ASIC2: variants seen among roughly 807,000 people sequenced by gnomAD.
ASIC2 encodes the protein acid sensing ion channel subunit 2, also known as acid-sensing ion channel 2.
ASIC2 carries 25 observed loss-of-function variants against 57.3 expected under a neutral mutation model. The ratio of observed to expected loss-of-function variants is 0.44; its 90% CI spans 0.32 to 0.61. ASIC2 has a LOEUF of 0.61. Among genes scored for constraint, ASIC2 ranks in the 20% least tolerant of loss-of-function variants. ASIC2 has a pLI of 0.06. For missense variants in ASIC2, 641 were observed against 738.1 expected (o/e 0.87, Z 1.52); for synonymous variants, 319 against 307.5 (o/e 1.04, Z -0.39).
chr17:33,575,517 G>A (rs1310808077), intron 1 of ASIC2, among the ~76,000 whole-genome samples: 1 of 152,220 alleles, frequency 6.6e-6, no homozygotes, highest in African/African-American at 2.4e-5. Flanking sequence ...AAGGAGCTCT[G>A]TGACAAGCTT....
Position 33,292,628 on chromosome 17 carries a change from G to C in ASIC2, c.-513C>G. Reference sequence around the variant, plus strand: ...AGGGACCCCACCAGCCCGGCCCGTAGCCCAGCGGTGCTGGGACACGGGAGA... The same window carrying C: ...AGGGACCCCACCAGCCCGGCCCGTACCCCAGCGGTGCTGGGACACGGGAGA... On this transcript the variant is annotated 5_prime_UTR_variant, in exon 1 of 10. Transcript: ENST00000225823. The C allele has an allele frequency of 2.0e-6, 2 of 985,596 alleles. No individual in the cohort carries two copies. The highest frequency in any genetic ancestry group is 1.2e-6 in the Non-Finnish European group (1 of 830,082). The allele number at this position is 985,596 out of a possible 1,614,324, so 61.1% of individuals were successfully genotyped here. A position where few individuals can be genotyped will look rare whatever the true frequency, so the allele number is the denominator to read the frequency against.
At chr17:33,271,857 C>G (rs1460868871) in intron 1 of ASIC2, among the ~76,000 whole-genome samples, 1 of 152,258 alleles carries the variant, frequency 6.6e-6, no homozygotes, top group Non-Finnish European at 1.5e-5. Context: ...TGGCTTCTCA[C>G]TGCAGTGGGA....
At position 33,050,456 on chromosome 17, in the gene ASIC2, G is replaced by T. The variant is rs551989405; in HGVS notation, c.988-22064C>A. On this transcript the variant is annotated intron_variant, in intron 3 of 9. Transcript: ENST00000225823. ...TCAGTGTCTTTATTGCATGTATAGGGTCTGCCATATAGTCTGTGCTCAAAA... is the reference window on the plus strand; with the variant it reads ...TCAGTGTCTTTATTGCATGTATAGGTTCTGCCATATAGTCTGTGCTCAAAA... Among the ~76,000 whole-genome samples, 3 of 152,244 alleles carry T rather than the reference G, an allele frequency of 2.0e-5. No homozygotes were observed. In the South Asian group the frequency reaches 6.2e-4, roughly 32 times the overall value.
At chr17:33,352,067 C>G (rs551903333) in intron 1 of ASIC2, among the ~76,000 whole-genome samples, 1 of 152,236 alleles carries the variant, frequency 6.6e-6, no homozygotes, top group African/African-American at 2.4e-5. Context: ...GTGTCTTCAT[C>G]TCTTTGCTTC....
At chr17:34,066,357 C>G (rs1263546690) in intron 1 of ASIC2, among the ~76,000 whole-genome samples, 1 of 152,162 alleles carries the variant, frequency 6.6e-6, no homozygotes, top group Non-Finnish European at 1.5e-5. Flanking sequence ...CTGGGGAGTT[C>G]TTACAAAATG....
At chr17:33,633,726 C>G (rs1293307942) in intron 1 of ASIC2, among the ~76,000 whole-genome samples, 1 of 152,232 alleles carries the variant, frequency 6.6e-6, no homozygotes, top group Non-Finnish European at 1.5e-5. Context: ...ATGCCCCAAC[C>G]ATTTAATAGC....
At chr17:33,630,764 A>ACTGC (rs1390694872) in intron 1 of ASIC2, among the ~76,000 whole-genome samples, 1 of 152,192 alleles carries the variant, frequency 6.6e-6, no homozygotes, top group Non-Finnish European at 1.5e-5. Flanking sequence ...GTTCAGTCAC[A>ACTGC]CTGCCTGGTC....
chr17:33,103,804 C>T (rs1447731750), intron 2 of ASIC2, among the ~76,000 whole-genome samples: 3 of 152,204 alleles, frequency 2.0e-5, no homozygotes, highest in Admixed American at 1.3e-4. Flanking sequence ...CATAGCACCT[C>T]ACCCATGCCC....
intron 1 of ASIC2, among the ~76,000 whole-genome samples, chr17:34,107,715 A>G (rs1178616425): frequency 6.6e-6 from 1 of 152,152 alleles, no homozygotes; most frequent in East Asian, 1.9e-4. Context: ...GGTACTCAAA[A>G]TAGTTTGTTC....
intron 1 of ASIC2, among the ~76,000 whole-genome samples, chr17:33,174,418 CAAAAA>C (rs545016244): frequency 9.0e-5 from 11 of 122,066 alleles, no homozygotes; most frequent in Admixed American, 4.2e-4. Context: ...AAGACTCCAT[CAAAAA>C]AAAAAAAAAA....
intron 1 of ASIC2, among the ~76,000 whole-genome samples, chr17:33,479,242 G>A (rs911040805): frequency 1.2e-4 from 18 of 151,976 alleles, no homozygotes; most frequent in Non-Finnish European, 2.2e-4. Context: ...CAGGTGATCC[G>A]CCCACCTCAG....
At chr17:33,655,102 T>C (rs2142041218) in intron 1 of ASIC2, among the ~76,000 whole-genome samples, 1 of 152,288 alleles carries the variant, frequency 6.6e-6, no homozygotes, top group Non-Finnish European at 1.5e-5. Flanking sequence ...GTAGCCCTTT[T>C]AGAATAGTTT....
At chr17:34,130,595 C>T (rs550348510) in intron 1 of ASIC2, among the ~76,000 whole-genome samples, 4 of 152,356 alleles carry the variant, frequency 2.6e-5, no homozygotes, top group African/African-American at 9.6e-5. Context: ...TCAATGCCCA[C>T]ACCTTTCCTC....
chr17:34,141,384 A>G (rs1256578374), intron 1 of ASIC2, among the ~76,000 whole-genome samples: 1 of 152,218 alleles, frequency 6.6e-6, no homozygotes, highest in Non-Finnish European at 1.5e-5. Flanking sequence ...AATTGTTTCC[A>G]ATTCTTTTTT....
intron 1 of ASIC2, among the ~76,000 whole-genome samples, chr17:33,346,495 T>C (rs1001682777): frequency 2.6e-5 from 4 of 151,750 alleles, no homozygotes; most frequent in Non-Finnish European, 5.9e-5. Context: ...TATATGAAAA[T>C]GCGTGGGTAT....
intron 1 of ASIC2, among the ~76,000 whole-genome samples, chr17:33,951,895 C>G (rs576622058): frequency 6.6e-6 from 1 of 152,082 alleles, no homozygotes; most frequent in South Asian, 2.1e-4. Context: ...TGCCTGGTCT[C>G]TTCCTCCTTT....
intron 1 of ASIC2, among the ~76,000 whole-genome samples, chr17:33,192,184 C>T (rs1470129940): frequency 3.3e-5 from 5 of 152,088 alleles, no homozygotes; most frequent in African/African-American, 1.2e-4. Flanking sequence ...AGCTCAAGAC[C>T]AGCCTGGTCA....
At chr17:33,372,420 G>C (rs938595987) in intron 1 of ASIC2, among the ~76,000 whole-genome samples, 2 of 152,118 alleles carry the variant, frequency 1.3e-5, no homozygotes, top group African/African-American at 4.8e-5. Context: ...TACCCCCTGG[G>C]GCCCGGGGGA....
At chr17:33,451,507 G>T (rs56304600) in intron 1 of ASIC2, among the ~76,000 whole-genome samples, 10,746 of 152,142 alleles carry the variant, frequency 0.071, 475 homozygotes, top group Non-Finnish European at 0.1. Flanking sequence ...TTACAAACCT[G>T]TTGCTTTTGC....
Sources: allele counts gnomAD v4.1 joint callset (sites outside exome capture counted in the v4.1 genomes callset), GRCh38; gene constraint gnomAD v4.1.1; transcripts MANE v1.5; gene names NCBI Gene and HGNC (gene_info 2026-07-23, HGNC 2026-07-21).